Variants in UNC5C observed in about 807,000 individuals in gnomAD.
The protein encoded by UNC5C is unc-5 netrin receptor C, also known as netrin receptor UNC5C.
UNC5C carries 47 observed loss-of-function variants against 99.8 expected under a neutral mutation model. That is an observed-to-expected ratio of 0.47 (90% confidence interval 0.37 to 0.60). UNC5C has a LOEUF of 0.60. Ranked by LOEUF, UNC5C falls within the 20% of genes least tolerant of loss-of-function variation. The pLI, the probability that UNC5C is intolerant of heterozygous loss-of-function variation, is 0.00. For missense variants in UNC5C, 1,062 were observed against 1,165.9 expected, an observed-to-expected ratio of 0.91 and a Z score of 1.30; for synonymous variants, 487 against 452.2, an observed-to-expected ratio of 1.08 and a Z score of -0.98.
chr4:95,268,703 T>C (rs1201609081), intron 4 of UNC5C, among the ~76,000 whole-genome samples: 1 of 152,246 alleles, frequency 6.6e-6, no homozygotes, highest in Non-Finnish European at 1.5e-5. Flanking sequence ...TTTGTTCTAA[T>C]TAACAGAGGG....
chr4:95,418,756 A>T (rs1049859247), intron 1 of UNC5C, among the ~76,000 whole-genome samples: 12 of 152,234 alleles, frequency 7.9e-5, no homozygotes, highest in Non-Finnish European at 1.6e-4. Context: ...GTAATAAAAA[A>T]ATATCCAACT....
intron 1 of UNC5C, among the ~76,000 whole-genome samples, chr4:95,470,497 G>A (rs1747935194): frequency 6.6e-6 from 1 of 152,106 alleles, no homozygotes; most frequent in African/African-American, 2.4e-5. Context: ...CTGTGAATGA[G>A]ATATAGCCTT....
chr4:95,343,844 A>C lies in UNC5C; in HGVS notation c.125-8213T>G, dbSNP rs528821786. ...AAAGCAGAATTAATGAAGCAGAAGAAAGAACTAGTAAGCTTGAAGTCGGGT... is the reference window on the plus strand; with the variant it reads ...AAAGCAGAATTAATGAAGCAGAAGACAGAACTAGTAAGCTTGAAGTCGGGT... On this transcript the variant is annotated intron_variant, in intron 1 of 15. Coordinates refer to ENST00000453304, the MANE Select transcript of UNC5C (RefSeq NM_003728.4). 1.6e-4 allele frequency among the ~76,000 whole-genome samples: 24 copies of C among 152,250 alleles called. No homozygotes were observed. In the South Asian group the frequency reaches 4.6e-3, roughly 29 times the overall value.
intron 1 of UNC5C, among the ~76,000 whole-genome samples, chr4:95,441,643 AATAC>A (rs1746953793): frequency 1.3e-5 from 2 of 152,198 alleles, no homozygotes; most frequent in South Asian, 2.1e-4. Context: ...ATGAATATGT[AATAC>A]ATATATATAC....
intron 7 of UNC5C, among the ~76,000 whole-genome samples, chr4:95,227,793 T>C (rs958731041): frequency 6.6e-6 from 1 of 152,212 alleles, no homozygotes; most frequent in Non-Finnish European, 1.5e-5. Context: ...AAACTGACAA[T>C]GTATAATTTT....
intron 4 of UNC5C, among the ~76,000 whole-genome samples, chr4:95,257,269 G>A (rs1271853863): frequency 6.6e-6 from 1 of 151,950 alleles, no homozygotes; most frequent in Admixed American, 6.6e-5. Context: ...GTAGAGCATG[G>A]GGCATGTGCT....
At chr4:95,524,371 T>C (rs888473140) in intron 1 of UNC5C, among the ~76,000 whole-genome samples, 4 of 152,220 alleles carry the variant, frequency 2.6e-5, no homozygotes, top group African/African-American at 9.6e-5. Flanking sequence ...GCATGTTTTA[T>C]GCAACAGGGG....
intron 2 of UNC5C, among the ~76,000 whole-genome samples, chr4:95,314,657 G>A (rs1742404523): frequency 6.6e-6 from 1 of 152,134 alleles, no homozygotes; most frequent in Non-Finnish European, 1.5e-5. Context: ...CATGTCTTCT[G>A]GAGGCTTCCT....
chr4:95,393,603 CTAAG>C lies in UNC5C; in HGVS notation c.125-57976_125-57973del, dbSNP rs1745420925. Among the ~76,000 whole-genome samples, 3 of 152,258 alleles carry C rather than the reference CTAAG, an allele frequency of 2.0e-5. No individual in the cohort carries two copies. The South Asian group carries it at 6.2e-4, about 32-fold the overall frequency. ...CCAAATATTTAATTTTTTGTTGTGT[CTAAG>C]TATTGACTGTAGATGTTATTTCTAT... On this transcript the variant is annotated intron_variant, in intron 1 of 15. Transcript: ENST00000453304.
intron 7 of UNC5C, among the ~76,000 whole-genome samples, chr4:95,241,813 T>G (rs1579260038): frequency 6.6e-6 from 1 of 152,202 alleles, no homozygotes; most frequent in African/African-American, 2.4e-5. Context: ...ATATCTAGCT[T>G]ATAGCACCCA....
intron 2 of UNC5C, among the ~76,000 whole-genome samples, chr4:95,314,227 G>C (rs1371236669): frequency 6.6e-6 from 1 of 152,192 alleles, no homozygotes; most frequent in African/African-American, 2.4e-5. Flanking sequence ...ACTCGGGCAA[G>C]TCAAGTCTGA....
chr4:95,379,192 A>C (rs1744988966), intron 1 of UNC5C, among the ~76,000 whole-genome samples: 1 of 152,188 alleles, frequency 6.6e-6, no homozygotes, highest in African/African-American at 2.4e-5. Context: ...CATGCCTCCA[A>C]GTTCACTTAA....
intron 1 of UNC5C, among the ~76,000 whole-genome samples, chr4:95,475,333 A>C (rs1405507197): frequency 6.6e-6 from 1 of 152,018 alleles, no homozygotes; most frequent in African/African-American, 2.4e-5. Context: ...TTAATTCATT[A>C]CTTGGGAAAT....
rs189890685 is a variant in UNC5C, at chr4:95,447,217, A to G, written c.124+101517T>C. On this transcript the variant is annotated intron_variant, in intron 1 of 15. Coordinates refer to ENST00000453304, the MANE Select transcript of UNC5C (RefSeq NM_003728.4). ...TTGTTATAAAATTCTATATTCAATT[A>G]CTATTCTAGATTCATAGGAAAATGA... is the stretch of plus-strand genomic sequence containing the variant. 4.5e-3 allele frequency among the ~76,000 whole-genome samples: 691 copies of G among 152,326 alleles called. 2 individuals carry two copies. Among genetic ancestry groups the G allele is most frequent in the African/African-American group, 0.015 (637 of 41,572 alleles).
At chr4:95,424,828 T>G (rs137854976) in intron 1 of UNC5C, among the ~76,000 whole-genome samples, 6 of 151,834 alleles carry the variant, frequency 4.0e-5, no homozygotes, top group African/African-American at 1.5e-4. Context: ...CGCCCCAGAT[T>G]TTTTATAGAT....
chr4:95,348,268 G>C (rs551104234), intron 1 of UNC5C, among the ~76,000 whole-genome samples: 1 of 152,030 alleles, frequency 6.6e-6, no homozygotes, highest in Admixed American at 6.6e-5. Context: ...AGTAACAAAT[G>C]CTGGAAAGGA....
At chr4:95,212,495 T>G (rs1009071461) in intron 10 of UNC5C, among the ~76,000 whole-genome samples, 1 of 152,348 alleles carries the variant, frequency 6.6e-6, no homozygotes, top group East Asian at 1.9e-4. Flanking sequence ...AGTACTGTGC[T>G]AGATGCAAAC....
At chr4:95,477,561 G>A (rs1720966903) in intron 1 of UNC5C, among the ~76,000 whole-genome samples, 1 of 152,022 alleles carries the variant, frequency 6.6e-6, no homozygotes, top group Non-Finnish European at 1.5e-5. Context: ...AGACAAAGTT[G>A]TTAGAGCTCA....
intron 1 of UNC5C, among the ~76,000 whole-genome samples, chr4:95,459,940 A>T (rs906423733): frequency 6.6e-6 from 1 of 152,340 alleles, no homozygotes; most frequent in South Asian, 2.1e-4. Context: ...TTCCTATAAC[A>T]TTAAGCACTT....
Sources: gnomAD v4.1 joint callset for allele counts (sites outside exome capture counted in the v4.1 genomes callset) on GRCh38, gnomAD v4.1.1 for gene constraint, MANE v1.5 for transcripts, NCBI Gene and HGNC (gene_info 2026-07-23, HGNC 2026-07-21) for gene names.